STRA8: variants seen among roughly 807,000 people sequenced by gnomAD.
STRA8 encodes stimulated by retinoic acid gene 8 protein homolog.
In STRA8, 18 loss-of-function variants were observed where a neutral mutation model predicts 37.1. The ratio of observed to expected loss-of-function variants is 0.48; its 90% CI spans 0.34 to 0.72. STRA8 has a LOEUF of 0.72. Ranked by LOEUF, STRA8 falls within the 30% of genes least tolerant of loss-of-function variation. STRA8 has a pLI of 0.01. For missense variants in STRA8, 357 were observed against 410.4 expected, an observed-to-expected ratio of 0.87 and a Z score of 1.13; for synonymous variants, 168 against 162.9, an observed-to-expected ratio of 1.03 and a Z score of -0.24.
At chr7:135,233,983 T>C (rs1417488399) in intron 1 of STRA8, among the ~76,000 whole-genome samples, 80 bp downstream of exon 1, 1 of 152,184 alleles carries the variant, frequency 6.6e-6, no homozygotes, top group Admixed American at 6.5e-5. Flanking sequence ...AAGAATTCAG[T>C]GCAGCGGAGC....
chr7:135,246,815 C>A lies in STRA8; in HGVS notation c.879+113C>A. ...GTTGGAGGTGCAGTTTGCCTTCTGGCTCCCAAGGTCGGTTTCTGATTTTCT... is the reference window on the plus strand; with the variant it reads ...GTTGGAGGTGCAGTTTGCCTTCTGGATCCCAAGGTCGGTTTCTGATTTTCT... On this transcript the variant is annotated intron_variant, in intron 6 of 8. Transcript: ENST00000662584. The surrounding 1 kb of genome is among the most constrained non-coding windows in gnomAD (Gnocchi z 5.4). 2.7e-6 allele frequency: 3 copies of A among 1,120,228 alleles called. No individual in the cohort carries two copies. The highest frequency in any genetic ancestry group is 1.8e-5 in the South Asian group (1 of 56,322). 69.4% of individuals were successfully genotyped at this position (1,120,228 alleles called of 1,614,324 possible). A position where few individuals can be genotyped will look rare whatever the true frequency, so the allele number is the denominator to read the frequency against.
upstream of STRA8, among the ~76,000 whole-genome samples, chr7:135,233,190 A>G (rs139022269): frequency 1.0e-3 from 158 of 152,320 alleles, 1 homozygote; most frequent in Non-Finnish European, 1.6e-3. Context: ...CCTACTTCCT[A>G]CTACCCAGAG....
chr7:135,255,023 C>T (rs1832685329), intron 7 of STRA8, 91 bp from the exon 8 acceptor site: 2 of 1,056,410 alleles, frequency 1.9e-6, no homozygotes, highest in Non-Finnish European at 1.5e-6. Flanking sequence ...TTGGTTCATA[C>T]TGTAACCCAA....
At chr7:135,255,768 T>A (rs982183189) in intron 8 of STRA8, among the ~76,000 whole-genome samples, 4 of 152,202 alleles carry the variant, frequency 2.6e-5, no homozygotes, top group African/African-American at 9.7e-5. Context: ...TGGTCCCTGG[T>A]GCCATAAAGG....
intron 8 of STRA8, among the ~76,000 whole-genome samples, chr7:135,258,099 T>G (rs1055007884): frequency 4.7e-4 from 72 of 152,336 alleles, no homozygotes; most frequent in Non-Finnish European, 8.4e-4. Flanking sequence ...CGTCTTCTAT[T>G]GATGAGCATT....
At chr7:135,234,396 C>G (rs183346980) in intron 1 of STRA8, among the ~76,000 whole-genome samples, 20 of 152,280 alleles carry the variant, frequency 1.3e-4, no homozygotes, top group African/African-American at 4.6e-4. Flanking sequence ...GCAGGAGCCA[C>G]GGCACCCAGC....
Position 135,246,665 on chromosome 7 carries a change from AG to A in STRA8, c.847del (p.Ala283ProfsTer71). 6.5e-7 allele frequency: 1 copy of A among 1,532,346 alleles called. No homozygotes were observed. Among genetic ancestry groups the A allele is most frequent in the Non-Finnish European group, 8.7e-7 (1 of 1,145,182 alleles). 94.9% of individuals were successfully genotyped at this position (1,532,346 alleles called of 1,614,324 possible). A position where few individuals can be genotyped will look rare whatever the true frequency, so the allele number is the denominator to read the frequency against. On this transcript the variant is annotated frameshift_variant, in exon 6 of 9. Coordinates refer to ENST00000662584, the MANE Select transcript of STRA8 (RefSeq NM_001394401.1). LOFTEE classifies it high-confidence loss of function. The surrounding 1 kb of genome is among the most constrained non-coding windows in gnomAD (Gnocchi z 5.4). The stretch of plus-strand genomic sequence containing the variant: ...GTGAAGGACAGCGGCGTGGACAGCC[AG>A]GGGGCCAGCTGCTCGCTGGTCTCCA... ...GSVKDSGVDS[Q>X]GASCSLVSTP...
intron 1 of STRA8, among the ~76,000 whole-genome samples, chr7:135,234,209 C>G (rs1832336688): frequency 6.6e-6 from 1 of 151,986 alleles, no homozygotes. Context: ...CGGGTTCAAG[C>G]GATTCTCCTG....
At chr7:135,245,122 C>G (rs1344472439) in intron 4 of STRA8, among the ~76,000 whole-genome samples, 166 bp from the exon 5 acceptor site, 2 of 152,060 alleles carry the variant, frequency 1.3e-5, no homozygotes, top group Non-Finnish European at 2.9e-5. Flanking sequence ...AATGTTGAAC[C>G]AGTTCTCTTG....
intron 6 of STRA8, among the ~76,000 whole-genome samples, chr7:135,249,499 G>C (rs150284876): frequency 2.6e-5 from 4 of 152,244 alleles, no homozygotes; most frequent in Admixed American, 2.0e-4. Flanking sequence ...CAGGATAATC[G>C]CTTGAACCTG....
intron 7 of STRA8, among the ~76,000 whole-genome samples, chr7:135,252,965 C>T (rs905808472): frequency 6.6e-6 from 1 of 151,934 alleles, no homozygotes. Context: ...GACAGAGTCT[C>T]ACTCTGTCAC....
intron 7 of STRA8, among the ~76,000 whole-genome samples, chr7:135,253,809 A>T (rs1832669612): frequency 6.6e-6 from 1 of 152,172 alleles, no homozygotes; most frequent in African/African-American, 2.4e-5. Context: ...GGCTAAAAAG[A>T]ATCCTGGACA....
intron 7 of STRA8, 35 bp downstream of exon 7, chr7:135,251,904 G>A: frequency 6.2e-7 from 1 of 1,600,116 alleles, no homozygotes; most frequent in Non-Finnish European, 8.6e-7. Context: ...ATGTGCCCCT[G>A]TGTGGGTGGA....
chr7:135,252,013 A>AGAGTGTGTGT lies in STRA8; in HGVS notation c.953+145_953+146insAGTGTGTGTG, dbSNP rs142941773. 1.8e-3 allele frequency: 894 copies of AGAGTGTGTGT among 505,286 alleles called. 2 individuals carry two copies. Among genetic ancestry groups the AGAGTGTGTGT allele is most frequent in the Middle Eastern group, 0.012 (21 of 1,740 alleles). 31.3% of individuals were successfully genotyped at this position (505,286 alleles called of 1,614,324 possible). A position where few individuals can be genotyped will look rare whatever the true frequency, so the allele number is the denominator to read the frequency against. ...AGAGGAGACAGAGGGAGAGAGAGAG[A>AGAGTGTGTGT]GTGTGTGTGTGTGTGTGTGTGTGTG... is the stretch of plus-strand genomic sequence containing the variant. On this transcript the variant is annotated intron_variant, in intron 7 of 8. Transcript: ENST00000662584.
intron 7 of STRA8, among the ~76,000 whole-genome samples, chr7:135,253,899 CTGG>C (rs1386475324): frequency 6.6e-6 from 1 of 152,238 alleles, no homozygotes; most frequent in African/African-American, 2.4e-5. Flanking sequence ...CAAGGGGAGC[CTGG>C]CCTATGGGTG....
At chr7:135,243,447 C>T (rs376147719) in intron 4 of STRA8, 37 bp downstream of exon 4, 117 of 1,593,548 alleles carry the variant, frequency 7.3e-5, no homozygotes, top group Middle Eastern at 1.7e-4. Flanking sequence ...TGGGGACCTG[C>T]TGTGTCCTCA....
intron 1 of STRA8, 30 bp from the exon 2 acceptor site, chr7:135,240,489 C>CAAAAAAAAA (rs34330846): frequency 7.5e-7 from 1 of 1,338,858 alleles, no homozygotes; most frequent in Non-Finnish European, 1.0e-6. Context: ...TTATCTAGGG[C>CAAAAAAAAA]AAAAAAAAAA....
At chr7:135,249,752 T>TTGACTG (rs1832612873) in intron 6 of STRA8, among the ~76,000 whole-genome samples, 2 of 152,208 alleles carry the variant, frequency 1.3e-5, no homozygotes, top group South Asian at 4.1e-4. Context: ...TCTGCCAAAT[T>TTGACTG]TGACTGTGCC....
intron 2 of STRA8, among the ~76,000 whole-genome samples, chr7:135,241,280 T>A (rs1293098659): frequency 6.6e-6 from 1 of 152,098 alleles, no homozygotes; most frequent in Non-Finnish European, 1.5e-5. Flanking sequence ...GCAAAACACA[T>A]AGGAGTGCTC....
Sources: allele counts gnomAD v4.1 joint callset (sites outside exome capture counted in the v4.1 genomes callset), GRCh38; gene constraint gnomAD v4.1.1; non-coding constraint Gnocchi (gnomAD v3.1); transcripts MANE v1.5; gene names NCBI Gene and HGNC (gene_info 2026-07-23, HGNC 2026-07-21).